FAF1: variants seen among roughly 807,000 people sequenced by gnomAD.
The protein encoded by FAF1 is Fas associated factor 1.
A neutral mutation model predicts 92.5 loss-of-function variants in FAF1; 25 were observed. That is an observed-to-expected ratio of 0.27 (90% CI 0.20 to 0.38). The LOEUF is 0.38. Ranked by LOEUF, FAF1 falls within the 10% of genes least tolerant of loss-of-function variation. FAF1 has a pLI of 1.00. For missense variants in FAF1, 636 were observed against 793.3 expected, an observed-to-expected ratio of 0.80 and a Z score of 2.38; for synonymous variants, 234 against 273.2, an observed-to-expected ratio of 0.86 and a Z score of 1.42.
intron 1 of FAF1, among the ~76,000 whole-genome samples, chr1:50,867,914 T>C (rs946572216): frequency 6.6e-6 from 1 of 152,048 alleles, no homozygotes; most frequent in East Asian, 1.9e-4. Context: ...ATTACAAAAA[T>C]ATGGAACCAG....
intron 1 of FAF1, among the ~76,000 whole-genome samples, chr1:50,939,974 G>A (rs769973697): frequency 6.6e-6 from 1 of 152,166 alleles, no homozygotes. Context: ...GCAGTGGCAT[G>A]ATCTCAGCTC....
At chr1:50,923,068 T>C (rs1317307821) in intron 1 of FAF1, among the ~76,000 whole-genome samples, 1 of 151,812 alleles carries the variant, frequency 6.6e-6, no homozygotes, top group African/African-American at 2.4e-5. Context: ...GATTGAACAA[T>C]GAAGAAATAG....
chr1:50,807,127 TA>T, intron 2 of FAF1, among the ~76,000 whole-genome samples: 1 of 152,240 alleles, frequency 6.6e-6, no homozygotes, highest in East Asian at 1.9e-4. Flanking sequence ...TGAAACCCAA[TA>T]AAAGGATTCT....
intron 2 of FAF1, among the ~76,000 whole-genome samples, chr1:50,836,168 C>CTTTTTTTTTTTTTT (rs1644200011): frequency 5.3e-5 from 4 of 75,542 alleles, no homozygotes; most frequent in Admixed American, 1.2e-4. Context: ...TTTTTTGTTT[C>CTTTTTTTTTTTTTT]TGTTTTTTTT....
intron 1 of FAF1, among the ~76,000 whole-genome samples, chr1:50,905,865 A>T (rs1380177594): frequency 6.6e-6 from 1 of 152,190 alleles, no homozygotes; most frequent in African/African-American, 2.4e-5. Context: ...TTTGCTGTGC[A>T]GAAGCTCTTT....
intron 2 of FAF1, among the ~76,000 whole-genome samples, chr1:50,847,638 G>A (rs1644313397): frequency 6.6e-6 from 1 of 152,034 alleles, no homozygotes; most frequent in South Asian, 2.1e-4. Context: ...CAGAATCTTA[G>A]AAAGAGGAGA....
intron 6 of FAF1, among the ~76,000 whole-genome samples, chr1:50,709,994 C>T (rs1657851364): frequency 6.6e-6 from 1 of 152,050 alleles, no homozygotes; most frequent in South Asian, 2.1e-4. Flanking sequence ...TGTTAGAAAG[C>T]AATGAGGAAG....
At chr1:50,829,754 T>A (rs1368567869) in intron 2 of FAF1, among the ~76,000 whole-genome samples, 1 of 152,254 alleles carries the variant, frequency 6.6e-6, no homozygotes, top group African/African-American at 2.4e-5. Context: ...GCTGACATTA[T>A]ATCCTGTAAC....
chr1:50,891,170 C>A (rs2124700401), intron 1 of FAF1, among the ~76,000 whole-genome samples: 1 of 152,292 alleles, frequency 6.6e-6, no homozygotes, highest in East Asian at 1.9e-4. Context: ...GAAGCTTGTA[C>A]ATGTGTCATG....
Position 50,549,517 on chromosome 1 carries a change from C to T in FAF1, c.1269-9789G>A, listed in dbSNP as rs55694728. ...ATTTAAGGCTGGGCATGGTGGCTCACGACTGTACTCCCAGCACTTTGGGAG... is the reference window on the plus strand; with the variant it reads ...ATTTAAGGCTGGGCATGGTGGCTCATGACTGTACTCCCAGCACTTTGGGAG... On this transcript the variant is annotated intron_variant, in intron 13 of 18. Coordinates refer to ENST00000396153, the MANE Select transcript of FAF1 (RefSeq NM_007051.3). Among the ~76,000 whole-genome samples, 1,350 of 152,144 alleles carry T rather than the reference C, an allele frequency of 8.9e-3. 14 individuals carry two copies. Among genetic ancestry groups the T allele is most frequent in the East Asian group, 0.03 (154 of 5,136 alleles).
At chr1:50,658,854 AC>A (rs1159203541) in intron 7 of FAF1, among the ~76,000 whole-genome samples, 3 of 152,236 alleles carry the variant, frequency 2.0e-5, no homozygotes, top group Non-Finnish European at 4.4e-5. Context: ...TCACTAAACA[AC>A]AATTTAGTGT....
chr1:50,626,643 T>C (rs1653511564), intron 8 of FAF1, among the ~76,000 whole-genome samples: 1 of 151,672 alleles, frequency 6.6e-6, no homozygotes, highest in African/African-American at 2.4e-5. Flanking sequence ...TGGTTAGTCA[T>C]ATTAAGGGGT....
intron 8 of FAF1, among the ~76,000 whole-genome samples, chr1:50,635,431 T>A (rs1213627645): frequency 6.6e-6 from 1 of 152,168 alleles, no homozygotes; most frequent in Non-Finnish European, 1.5e-5. Context: ...GTTGTTGTTT[T>A]GTTTTGTTTC....
intron 17 of FAF1, among the ~76,000 whole-genome samples, chr1:50,483,247 T>C (rs1646723661): frequency 6.6e-6 from 1 of 152,164 alleles, no homozygotes; most frequent in African/African-American, 2.4e-5. Context: ...CAGCATCATG[T>C]GTTGAAAAGA....
At chr1:50,638,077 TATA>T (rs1161733048) in intron 8 of FAF1, among the ~76,000 whole-genome samples, 1 of 152,178 alleles carries the variant, frequency 6.6e-6, no homozygotes, top group African/African-American at 2.4e-5. Context: ...TTGCGAGTCA[TATA>T]AGTTTTCTAA....
chr1:50,734,536 C>T (rs1208817599), intron 6 of FAF1, among the ~76,000 whole-genome samples: 1 of 151,848 alleles, frequency 6.6e-6, no homozygotes, highest in Non-Finnish European at 1.5e-5. Flanking sequence ...AGATTGAGAC[C>T]ATCCTGGCTA....
intron 6 of FAF1, among the ~76,000 whole-genome samples, chr1:50,713,529 C>A (rs1052499312): frequency 6.6e-6 from 1 of 152,136 alleles, no homozygotes; most frequent in Admixed American, 6.5e-5. Flanking sequence ...CCGCCTTGGC[C>A]TCCCACAGTG....
intron 8 of FAF1, among the ~76,000 whole-genome samples, chr1:50,642,911 G>A (rs1485923056): frequency 6.6e-6 from 1 of 151,846 alleles, no homozygotes; most frequent in African/African-American, 2.4e-5. Flanking sequence ...CACGATCTTG[G>A]CTCCCTGCAA....
chr1:50,709,827 C>T (rs537955945), intron 6 of FAF1, among the ~76,000 whole-genome samples: 1 of 152,244 alleles, frequency 6.6e-6, no homozygotes, highest in South Asian at 2.1e-4. Context: ...AAATCACTGA[C>T]CTCAGAGAGG....
Sources: gnomAD v4.1 joint callset for allele counts (sites outside exome capture counted in the v4.1 genomes callset) on GRCh38, gnomAD v4.1.1 for gene constraint, MANE v1.5 for transcripts, NCBI Gene and HGNC (gene_info 2026-07-23, HGNC 2026-07-21) for gene names.